The following RAB27A variants were observed in gnomAD, a reference collection of about 807,000 sequenced individuals.
RAB27A encodes the protein ras-related protein Rab-27A.
A neutral mutation model predicts 20.8 loss-of-function variants in RAB27A; 17 were observed. The ratio of observed to expected loss-of-function variants is 0.82; its 90% confidence interval spans 0.56 to 1.23. RAB27A has a LOEUF of 1.23. RAB27A is among the 50% of genes most tolerant of loss of function. RAB27A has a pLI of 0.00. For missense variants in RAB27A, 277 were observed against 266.7 expected (o/e 1.04, Z -0.27); for synonymous variants, 85 against 92.8 (o/e 0.92, Z 0.48).
chr15:55,224,231 C>T (rs936428776), intron 5 of RAB27A, among the ~76,000 whole-genome samples: 6 of 152,188 alleles, frequency 3.9e-5, no homozygotes, highest in Admixed American at 6.5e-5. Flanking sequence ...TTATTGATAT[C>T]GGAGAGTTTA....
chr15:55,269,685 G>C (rs879822607), intron 2 of RAB27A: 5 of 152,144 alleles, frequency 3.3e-5, no homozygotes, highest in Non-Finnish European at 5.9e-5. Context: ...AGGTTGCAGT[G>C]ACCCGAGATT....
intron 5 of RAB27A, among the ~76,000 whole-genome samples, chr15:55,227,937 G>A (rs534650349): frequency 9.2e-5 from 14 of 152,168 alleles, no homozygotes; most frequent in African/African-American, 3.4e-4. Flanking sequence ...GACCAAACAG[G>A]GAAAATATAC....
chr15:55,213,140 A>C (rs1471547670), intron 6 of RAB27A, among the ~76,000 whole-genome samples: 1 of 152,228 alleles, frequency 6.6e-6, no homozygotes, highest in African/African-American at 2.4e-5. Context: ...TTAGATATCA[A>C]AACAACAAAG....
chr15:55,208,423 TAG>T (rs1894756257), intron 6 of RAB27A, among the ~76,000 whole-genome samples: 1 of 152,278 alleles, frequency 6.6e-6, no homozygotes, highest in East Asian at 1.9e-4. Flanking sequence ...AACACAGAAC[TAG>T]AGAGTTTCCA....
At chr15:55,220,888 G>T (rs17819012) in intron 6 of RAB27A, among the ~76,000 whole-genome samples, 18,655 of 152,106 alleles carry the variant, frequency 0.12, 1,430 homozygotes, top group Admixed American at 0.2. Flanking sequence ...AAACTACATG[G>T]TATGCTTTCT....
intron 6 of RAB27A, among the ~76,000 whole-genome samples, chr15:55,218,723 G>C (rs368781739): frequency 6.6e-6 from 1 of 150,694 alleles, no homozygotes; most frequent in Non-Finnish European, 1.5e-5. Flanking sequence ...ACATTCAGTT[G>C]TCATTCTTAG....
chr15:55,235,931 T>C (rs1235157507), intron 2 of RAB27A, among the ~76,000 whole-genome samples: 1 of 152,168 alleles, frequency 6.6e-6, no homozygotes, highest in Non-Finnish European at 1.5e-5. Flanking sequence ...AAACATCATA[T>C]GTTCTCACTC....
intron 1 of RAB27A, among the ~76,000 whole-genome samples, chr15:55,276,120 T>C (rs568337138): frequency 2.0e-5 from 3 of 152,178 alleles, no homozygotes; most frequent in Admixed American, 6.5e-5. Context: ...GTATAATACA[T>C]CTGAAAGAAT....
rs79267478 is a variant in RAB27A at position 55,243,150 on chromosome 15, C to T, written c.-22-8194G>A. ...GATGGGCTCTGCCAAGGACAGAAGT[C>T]ATAAATTGGGAGCTTGTCTGCTTCT... On this transcript the variant is annotated intron_variant, in intron 2 of 6. Coordinates refer to ENST00000336787, the MANE Select transcript of RAB27A (RefSeq NM_183235.3). Among the ~76,000 whole-genome samples the T allele has an allele frequency of 3.6e-3, 554 of 152,188 alleles. 7 individuals carry two copies. The East Asian group carries it at 0.037, about 10-fold the overall frequency.
intron 2 of RAB27A, among the ~76,000 whole-genome samples, chr15:55,302,446 T>A (rs2054976461): frequency 6.6e-6 from 1 of 152,132 alleles, no homozygotes; most frequent in Non-Finnish European, 1.5e-5. Context: ...CCCAGCCGCC[T>A]GCCTTGGCCT....
At chr15:55,212,833 A>T (rs1260381966) in intron 6 of RAB27A, among the ~76,000 whole-genome samples, 1 of 152,164 alleles carries the variant, frequency 6.6e-6, no homozygotes, top group Admixed American at 6.5e-5. Context: ...CCAGCCCATC[A>T]AATCTTAAGT....
At chr15:55,213,132 AG>A (rs1473418036) in intron 6 of RAB27A, among the ~76,000 whole-genome samples, 9 of 152,220 alleles carry the variant, frequency 5.9e-5, no homozygotes, top group Non-Finnish European at 4.4e-5. Context: ...AAATGTTCTT[AG>A]ATATCAAAAC....
At chr15:55,297,760 T>C (rs2054955439) in intron 2 of RAB27A, among the ~76,000 whole-genome samples, 1 of 152,196 alleles carries the variant, frequency 6.6e-6, no homozygotes, top group Non-Finnish European at 1.5e-5. Context: ...TAGTAATGGA[T>C]TGTAACCCAC....
upstream of RAB27A, among the ~76,000 whole-genome samples, chr15:55,291,015 G>A (rs1332829422): frequency 6.6e-6 from 1 of 152,186 alleles, no homozygotes; most frequent in East Asian, 1.9e-4. Context: ...AGCTTCTCAG[G>A]TGGGTCCAAT....
intron 2 of RAB27A, among the ~76,000 whole-genome samples, chr15:55,309,699 G>T (rs569071822): frequency 1.3e-5 from 2 of 152,262 alleles, no homozygotes; most frequent in South Asian, 4.1e-4. Context: ...GCTTCCTCTG[G>T]TATTTGGGAA....
intron 2 of RAB27A, among the ~76,000 whole-genome samples, chr15:55,305,952 G>T (rs538074889): frequency 1.3e-5 from 2 of 152,174 alleles, no homozygotes; most frequent in Non-Finnish European, 2.9e-5. Flanking sequence ...TGTTGCAGGG[G>T]TTAGGTATGA....
chr15:55,226,607 C>T (rs746784084), intron 5 of RAB27A, among the ~76,000 whole-genome samples: 22 of 152,078 alleles, frequency 1.4e-4, no homozygotes, highest in Non-Finnish European at 1.9e-4. Context: ...CTGTGGCTCA[C>T]GCCTGTAATC....
At chr15:55,215,899 T>C (rs994135155) in intron 6 of RAB27A, among the ~76,000 whole-genome samples, 1 of 138,588 alleles carries the variant, frequency 7.2e-6, no homozygotes, top group Non-Finnish European at 1.5e-5. Context: ...TGAGCCGAGA[T>C]CGTGCTACGG....
At chr15:55,312,239 G>A (rs1595757917) in intron 2 of RAB27A, among the ~76,000 whole-genome samples, 1 of 152,314 alleles carries the variant, frequency 6.6e-6, no homozygotes, top group East Asian at 1.9e-4. Flanking sequence ...TGCGACAGCG[G>A]CAAACAACAG....
Sources: allele counts gnomAD v4.1 joint callset (sites outside exome capture counted in the v4.1 genomes callset), GRCh38; gene constraint gnomAD v4.1.1; transcripts MANE v1.5; gene names NCBI Gene and HGNC (gene_info 2026-07-23, HGNC 2026-07-21).